The following SMARCA1 variants were observed in gnomAD, a reference collection of about 807,000 sequenced individuals.
SMARCA1 encodes the protein SWI/SNF-related matrix-associated actin-dependent regulator of chromatin subfamily A member 1.
In SMARCA1, 17 loss-of-function variants were observed where a neutral mutation model predicts 93.6. The ratio of observed to expected loss-of-function variants is 0.18; its 90% CI spans 0.12 to 0.27. SMARCA1 has a LOEUF of 0.27. Ranked by LOEUF, SMARCA1 falls within the 10% of genes least tolerant of loss-of-function variation. The pLI is 1.00. For missense variants in SMARCA1, 630 were observed against 819.0 expected, an observed-to-expected ratio of 0.77 and a Z score of 2.82; for synonymous variants, 271 against 271.4, an observed-to-expected ratio of 1.00 and a Z score of 0.01.
At chrX:129,517,553 AGTT>A (rs1935248621) in intron 2 of SMARCA1, among the ~76,000 whole-genome samples, 1 of 111,307 alleles carries the variant, frequency 9.0e-6, no homozygotes, top group Non-Finnish European at 1.9e-5. Flanking sequence ...TTATTTTTAG[AGTT>A]GTTAAAACAT....
Position 129,511,879 on chromosome X carries a change from G to C in SMARCA1, c.735C>G (p.His245Gln), listed in dbSNP as rs775508078. Residue 245 changes from histidine (H) to glutamine (Q), a missense_variant, in exon 6 of 25, where the codon CAC becomes CAG. His to Gln is a conservative substitution (Grantham distance 24). Transcript: ENST00000371121. ...HMVLVPKSTL[H>Q]NWMNEFKRWV... ...ATCGTTTAAATTCATTCATCCAGTT[G>C]TGTAAAGTAGACTTTGGAACTAAAA... The C allele has an allele frequency of 1.7e-6, 2 of 1,201,650 alleles. No individual in the cohort carries two copies. Among genetic ancestry groups the C allele is most frequent in the Non-Finnish European group, 2.3e-6 (2 of 887,945 alleles).
At position 129,448,301 on chromosome X, in the gene SMARCA1, C is replaced by A; in HGVS notation, c.3141+32G>T. On this transcript the variant is annotated intron_variant, in intron 24 of 24. Coordinates refer to ENST00000371121, the MANE Select transcript of SMARCA1 (RefSeq NM_001282874.2). ...TAATTATGTAAAAAAATGGGATCTA[C>A]CTAAAAGTTAGGAAAATGCTGAAAA... The A allele has an allele frequency of 8.4e-7, 1 of 1,193,241 alleles. No homozygotes were observed. Among genetic ancestry groups the A allele is most frequent in the Non-Finnish European group, 1.1e-6 (1 of 881,385 alleles).
At chrX:129,507,804 G>A (rs768473358) in intron 7 of SMARCA1, 137 bp downstream of exon 7, 12 of 406,568 alleles carry the variant, frequency 3.0e-5, no homozygotes, top group African/African-American at 1.3e-4. Context: ...CGCCCTCCTC[G>A]GCCTCCCAAA....
chrX:129,520,137 TCG>T (rs1935334361), intron 1 of SMARCA1, among the ~76,000 whole-genome samples: 1 of 59,173 alleles, frequency 1.7e-5, no homozygotes, highest in African/African-American at 7.6e-5. Flanking sequence ...AAACCTTCTC[TCG>T]TGTGTGTGTG....
At chrX:129,485,876 C>A (rs748210355) in intron 17 of SMARCA1, among the ~76,000 whole-genome samples, 3 of 111,568 alleles carry the variant, frequency 2.7e-5, no homozygotes, top group Non-Finnish European at 5.6e-5. Context: ...TAAGTGAAAG[C>A]AGGCTGAGGC....
At chrX:129,481,533 C>T (rs746804658) in intron 17 of SMARCA1, among the ~76,000 whole-genome samples, 47 of 111,620 alleles carry the variant, frequency 4.2e-4, no homozygotes, top group African/African-American at 1.5e-3. Flanking sequence ...AACTGTAATA[C>T]GTGCATGAAT....
chrX:129,504,625 T>C (rs1286022147), intron 9 of SMARCA1, 109 bp downstream of exon 9: 2 of 395,003 alleles, frequency 5.1e-6, no homozygotes, highest in African/African-American at 5.8e-5. Flanking sequence ...ACAGTGACAT[T>C]GAGCCAAGAG....
At chrX:129,479,792 G>A (rs1933565780) in intron 19 of SMARCA1, among the ~76,000 whole-genome samples, 1 of 109,820 alleles carries the variant, frequency 9.1e-6, no homozygotes, top group South Asian at 3.8e-4. Context: ...TCACCTCCCA[G>A]GATCAAGCGA....
chrX:129,484,282 T>G (rs919719135), intron 17 of SMARCA1, among the ~76,000 whole-genome samples: 2 of 112,004 alleles, frequency 1.8e-5, no homozygotes, highest in African/African-American at 6.5e-5. Context: ...GTAAAATTAA[T>G]AAAACTTATA....
chrX:129,510,995 G>A (rs6637613), intron 6 of SMARCA1, among the ~76,000 whole-genome samples: 11,228 of 110,722 alleles, frequency 0.1, 489 homozygotes, highest in East Asian at 0.34. Flanking sequence ...ATTCTTTTGA[G>A]GATATCTTTA....
rs772585271 is a variant in SMARCA1, at chrX:129,471,338, G to T, written c.2443-12C>A. ...GGATTCCTTGGAACCTATAAATCAA[G>T]AGATAAACTAAGAGTAAACTGATGA... On this transcript the variant is annotated splice_polypyrimidine_tract_variant and intron_variant, in intron 19 of 24. Transcript: ENST00000371121. 1.7e-6 allele frequency: 2 copies of T among 1,164,364 alleles called. No homozygotes were observed. Among genetic ancestry groups the T allele is most frequent in the Admixed American group, 4.7e-5 (2 of 42,451 alleles).
chrX:129,523,266 C>T lies in SMARCA1; in HGVS notation c.105G>A (p.Gln35=), dbSNP rs1470241716. The T allele has an allele frequency of 1.7e-6, 2 of 1,210,906 alleles. No individual in the cohort carries two copies. The highest frequency in any genetic ancestry group is 2.2e-5 in the Admixed American group (1 of 46,102). The change falls in exon 1 of 25, where the codon CAG becomes CAA. Residue 35 remains glutamine (Q), a synonymous_variant. Transcript: ENST00000371121. Reference sequence around the variant, plus strand: ...TGGCCGCGGCGGCCGCTCCCTCCTCCTGAGAGGTGGACGGCCCGGGCTGCT... The same window carrying T: ...TGGCCGCGGCGGCCGCTCCCTCCTCTTGAGAGGTGGACGGCCCGGGCTGCT... The part of the protein sequence containing the change: ...EDEQPGPSTS[Q]EEGAAAAATE...
chrX:129,471,661 T>C (rs1407293187), intron 19 of SMARCA1, among the ~76,000 whole-genome samples: 1 of 111,590 alleles, frequency 9.0e-6, no homozygotes, highest in African/African-American at 3.3e-5. Flanking sequence ...AAAGAATCCA[T>C]ATTCCCCTGG....
At chrX:129,496,998 TGC>T (rs1491341535) in intron 11 of SMARCA1, 127 bp from the exon 12 acceptor site, 1 of 465,094 alleles carries the variant, frequency 2.2e-6, no homozygotes. Context: ...CACACACACG[TGC>T]ACACACACAC....
In SMARCA1 at chrX:129,489,298, G is replaced by A. The variant is rs5977091; in HGVS notation, c.1949-213C>T. 5.1e-3 allele frequency among the ~76,000 whole-genome samples: 567 copies of A among 112,167 alleles called. 5 individuals are homozygous for A. Among genetic ancestry groups the A allele is most frequent in the African/African-American group, 0.017 (535 of 30,902 alleles). The stretch of plus-strand genomic sequence containing the variant: ...TATAAATTCCCTTCTGTAAAACTCA[G>A]TTAAAACCCAGAAGGACAGAAACTT... On this transcript the variant is annotated intron_variant, in intron 15 of 24. Coordinates refer to ENST00000371121, the MANE Select transcript of SMARCA1 (RefSeq NM_001282874.2).
At chrX:129,475,330 C>A (rs901185304) in intron 19 of SMARCA1, among the ~76,000 whole-genome samples, 5 of 109,358 alleles carry the variant, frequency 4.6e-5, no homozygotes, top group Non-Finnish European at 9.5e-5. Context: ...ACCAGCCTGG[C>A]CAACATGATG....
chrX:129,489,539 A>AT (rs1189485435), intron 15 of SMARCA1, among the ~76,000 whole-genome samples: 1 of 112,301 alleles, frequency 8.9e-6, no homozygotes, highest in Non-Finnish European at 1.9e-5. Context: ...TTCAATTAGC[A>AT]TTTTTTGTTC....
chrX:129,479,539 C>A (rs1015959048), intron 19 of SMARCA1, among the ~76,000 whole-genome samples: 3 of 110,008 alleles, frequency 2.7e-5, no homozygotes, highest in African/African-American at 6.6e-5. Context: ...ATTCCAGCTA[C>A]TAATTAAAAT....
intron 9 of SMARCA1, among the ~76,000 whole-genome samples, chrX:129,504,133 C>T (rs1169290151): frequency 9.1e-6 from 1 of 110,402 alleles, no homozygotes; most frequent in East Asian, 2.8e-4. Flanking sequence ...CAAAAATTAG[C>T]CGGGCGTGGT....
Sources: gnomAD v4.1 joint callset for allele counts (sites outside exome capture counted in the v4.1 genomes callset) on GRCh38, gnomAD v4.1.1 for gene constraint, MANE v1.5 for transcripts, NCBI Gene and HGNC (gene_info 2026-07-23, HGNC 2026-07-21) for gene names.